COL16A1: variants seen among roughly 807,000 people sequenced by gnomAD.
COL16A1 encodes collagen type XVI alpha 1 chain, also known as collagen alpha-1(XVI) chain.
Under a neutral mutation model 266.3 loss-of-function variants are expected in COL16A1, and 189 were observed. That is an observed-to-expected ratio of 0.71 (90% CI 0.63 to 0.80). The LOEUF (loss-of-function observed/expected upper bound fraction) is 0.80, where lower values mean the gene tolerates loss of function less well. Among genes scored for constraint, COL16A1 ranks in the 30% least tolerant of loss-of-function variants. The probability of loss-of-function intolerance (pLI) is 0.00; values close to 1 mark genes in which losing one functional copy is unlikely to be tolerated. For missense variants in COL16A1, 1,928 were observed against 2,122.4 expected, an observed-to-expected ratio of 0.91 and a Z score of 1.80; for synonymous variants, 740 against 782.3, an observed-to-expected ratio of 0.95 and a Z score of 0.90.
chr1:31,670,537 A>G lies in COL16A1; in HGVS notation c.3195+65T>C. ...GGTGAAGGCACGACAGGAGGGAGAC[A>G]AGCAAAAGCCACAGAGACCTGGCTG... On this transcript the variant is annotated intron_variant, in intron 49 of 70. Coordinates refer to ENST00000373672, the MANE Select transcript of COL16A1 (RefSeq NM_001856.4). This position sits in a 1 kb window ranked among gnomAD's most constrained non-coding sequence, Gnocchi z 4.5. 1 of 1,327,444 alleles carries G rather than the reference A, an allele frequency of 7.5e-7. No homozygotes were observed. Among genetic ancestry groups the G allele is most frequent in the South Asian group, 2.2e-5 (1 of 44,448 alleles). 82.2% of individuals were successfully genotyped at this position (1,327,444 alleles called of 1,614,324 possible).
chr1:31,700,009 G>C (rs780263917), intron 3 of COL16A1, 32 bp downstream of exon 3: 8 of 1,613,362 alleles, frequency 5.0e-6, no homozygotes, highest in Non-Finnish European at 5.9e-6. Flanking sequence ...GAAGGTTGCA[G>C]GGACGGCGCG....
At position 31,697,373 on chromosome 1, in the gene COL16A1, C is replaced by A; in HGVS notation, c.658-73G>T. On this transcript the variant is annotated intron_variant, in intron 6 of 70. Coordinates refer to ENST00000373672, the MANE Select transcript of COL16A1 (RefSeq NM_001856.4). The surrounding 1 kb of genome is among the most constrained non-coding windows in gnomAD (Gnocchi z 4.2). ...CTGTGTCCTGGCCCCCCAGGAGGCA[C>A]AGAGATGTCTCTGCCCCAGGATGTG... The A allele has an allele frequency of 7.0e-7, 1 of 1,419,110 alleles. No homozygotes were observed. Among genetic ancestry groups the A allele is most frequent in the Non-Finnish European group, 9.6e-7 (1 of 1,037,406 alleles). The allele number at this position is 1,419,110 out of a possible 1,614,324, so 87.9% of individuals were successfully genotyped here.
chr1:31,658,646 G>T, intron 63 of COL16A1, 69 bp from the exon 64 acceptor site: 1 of 1,370,142 alleles, frequency 7.3e-7, no homozygotes, highest in Non-Finnish European at 1.0e-6. Flanking sequence ...TATAGCCAGA[G>T]ACAGACACCC....
chr1:31,667,691 G>T, intron 51 of COL16A1, 63 bp from the exon 52 acceptor site: 1 of 1,451,198 alleles, frequency 6.9e-7, no homozygotes, highest in Non-Finnish European at 9.5e-7. Flanking sequence ...CGGCACTAAT[G>T]CGAGGAGCGG....
intron 47 of COL16A1, among the ~76,000 whole-genome samples, chr1:31,671,863 C>T (rs868591170): frequency 2.0e-4 from 31 of 152,212 alleles, no homozygotes; most frequent in African/African-American, 7.0e-4. Flanking sequence ...GCAACTATTA[C>T]GTACCAGGCA....
chr1:31,697,971 G>C lies in COL16A1; in HGVS notation c.592C>G (p.Arg198Gly). The change falls in exon 6 of 71, where the codon CGA becomes GGA. Residue 198 changes from arginine to glycine, a missense_variant. Coordinates refer to ENST00000373672, the MANE Select transcript of COL16A1 (RefSeq NM_001856.4). The surrounding 1 kb of genome is among the most constrained non-coding windows in gnomAD (Gnocchi z 4.2). ...SASSQPLGPR[R>G]PMRPVGHVFL... is the part of the protein sequence containing the mutation. The stretch of plus-strand genomic sequence containing the variant: ...ACATGGCCCACAGGCCTCATGGGTC[G>C]TCGGGGCCCCAGAGGCTGGGAGGAG... 1 of 1,613,392 alleles carries C rather than the reference G, an allele frequency of 6.2e-7. No individual in the cohort carries two copies. The highest frequency in any genetic ancestry group is 1.1e-5 in the South Asian group (1 of 91,074).
rs1478717604 is a variant in COL16A1, at chr1:31,683,998, T to C, written c.2289A>G (p.Gln763=). ...EGVGRPGKPG[Q]PGLPGVQGPP... Reference sequence around the variant, plus strand: ...GCCCTTGAACTCCTGGTAGACCGGGTTGGCCCTAAAAGGCATAAGGTGGCC... The same window carrying C: ...GCCCTTGAACTCCTGGTAGACCGGGCTGGCCCTAAAAGGCATAAGGTGGCC... The change falls in exon 33 of 71, where the codon CAA becomes CAG. Residue 763 remains glutamine (Q), a synonymous_variant. Coordinates refer to ENST00000373672, the MANE Select transcript of COL16A1 (RefSeq NM_001856.4). 2 of 1,614,012 alleles carry C rather than the reference T, an allele frequency of 1.2e-6. No homozygotes were observed. Among genetic ancestry groups the C allele is most frequent in the African/African-American group, 2.7e-5 (2 of 74,928 alleles).
intron 20 of COL16A1, among the ~76,000 whole-genome samples, chr1:31,690,829 G>A (rs193074987): frequency 5.1e-4 from 77 of 152,270 alleles, no homozygotes; most frequent in Admixed American, 9.8e-4. Flanking sequence ...GGTGATCCGC[G>A]TGACCCCAGC....
At position 31,656,775 on chromosome 1, in the gene COL16A1, C is replaced by CATT. The variant is rs1641195887; in HGVS notation, c.4056+255_4056+257dup. 1 of 552,496 alleles carries CATT rather than the reference C, an allele frequency of 1.8e-6. No individual in the cohort carries two copies. The highest frequency in any genetic ancestry group is 3.0e-5 in the East Asian group (1 of 33,636). 34.2% of individuals were successfully genotyped at this position (552,496 alleles called of 1,614,324 possible). The stretch of plus-strand genomic sequence containing the variant: ...ATGTTTGTTTGGAATTTATTATTAT[C>CATT]ATTATTATTGTTGTTGTTGTTGTTT... On this transcript the variant is annotated intron_variant, in intron 65 of 70. Coordinates refer to ENST00000373672, the MANE Select transcript of COL16A1 (RefSeq NM_001856.4). This position sits in a 1 kb window ranked among gnomAD's most constrained non-coding sequence, Gnocchi z 4.2.
Position 31,686,273 on chromosome 1 carries a change from A to C in COL16A1, c.1810T>G (p.Phe604Val). 1.2e-6 allele frequency: 2 copies of C among 1,614,216 alleles called. No homozygotes were observed. Among genetic ancestry groups the C allele is most frequent in the Non-Finnish European group, 8.5e-7 (1 of 1,180,036 alleles). The change falls in exon 27 of 71, where the codon TTC becomes GTC. Residue 604 changes from phenylalanine (F) to valine (V), a missense_variant. Transcript: ENST00000373672. ...VPGLKGEKGN[F>V]GEAGPAGSPG... is the part of the protein sequence containing the mutation. ...CTGCCAGCTGGCCCTGCCTCCCCGA[A>C]GTTACCCTGAGAGAAAGCACAGAAA...
intron 14 of COL16A1, 39 bp from the exon 15 acceptor site, chr1:31,692,681 C>A: frequency 6.2e-7 from 1 of 1,613,902 alleles, no homozygotes; most frequent in South Asian, 1.1e-5. Flanking sequence ...GGCAGAGGGT[C>A]ACCTGATGGG....
Position 31,698,673 on chromosome 1 carries a change from C to T in COL16A1, c.267-67G>A. On this transcript the variant is annotated intron_variant, in intron 4 of 70. Coordinates refer to ENST00000373672, the MANE Select transcript of COL16A1 (RefSeq NM_001856.4). This position sits in a 1 kb window ranked among gnomAD's most constrained non-coding sequence, Gnocchi z 4.1. ...GACCCAAATGCTGCCCACCCTGAGC[C>T]CTCAGGACTGCTGAGCCTACCCAAG... 6.3e-7 allele frequency: 1 copy of T among 1,587,694 alleles called. No individual in the cohort carries two copies. Among genetic ancestry groups the T allele is most frequent in the South Asian group, 1.1e-5 (1 of 87,502 alleles).
chr1:31,673,499 G>A (rs549377767), intron 44 of COL16A1, among the ~76,000 whole-genome samples: 40 of 152,306 alleles, frequency 2.6e-4, no homozygotes, highest in Admixed American at 2.0e-3. Context: ...TTTGTGGCCA[G>A]TGTCGTGTCC....
In COL16A1 at chr1:31,688,955, G is replaced by A. The variant is rs1385445714; in HGVS notation, c.1673C>T (p.Ser558Phe). The A allele has an allele frequency of 1.2e-6, 2 of 1,614,182 alleles. No homozygotes were observed. The highest frequency in any genetic ancestry group is 1.3e-5 in the African/African-American group (1 of 75,058). Reference sequence around the variant, plus strand: ...CTGGGCCCCTACAACCGAGCTGCAGGACAAGCAGGGCTCCCCCTGGGGAAA... The same window carrying A: ...CTGGGCCCCTACAACCGAGCTGCAGAACAAGCAGGGCTCCCCCTGGGGAAA... ...IKGEKGEPCL[S>F]CSSVVGAQHL... is the part of the protein sequence containing the mutation. Residue 558 changes from serine to phenylalanine, a missense_variant, in exon 25 of 71, where the codon TCC becomes TTC. By Grantham distance (155) the Ser-to-Phe change is radical (BLOSUM62 -2). Around this residue, in one of 2 missense-constraint regions of COL16A1, gnomAD observed 1,552 missense variants for 1,637.2 expected, o/e 0.95. Transcript: ENST00000373672. This position sits in a 1 kb window ranked among gnomAD's most constrained non-coding sequence, Gnocchi z 4.9.
In COL16A1 at chr1:31,698,506, T is replaced by C. The variant is rs1644595047; in HGVS notation, c.367A>G (p.Thr123Ala). The C allele has an allele frequency of 1.2e-6, 2 of 1,614,106 alleles. No homozygotes were observed. The highest frequency in any genetic ancestry group is 1.7e-6 in the Non-Finnish European group (2 of 1,180,024). ...HQKTWYLFQV[T>A]DANGYPQISL... Reference sequence around the variant, plus strand: ...ACCTGTGGATACCCATTTGCATCGGTCACTTGAAACAGATACCACGTCTTC... The same window carrying C: ...ACCTGTGGATACCCATTTGCATCGGCCACTTGAAACAGATACCACGTCTTC... Residue 123 changes from threonine to alanine, a missense_variant, in exon 5 of 71, where the codon ACC (threonine) becomes GCC (alanine). Transcript: ENST00000373672. This position sits in a 1 kb window ranked among gnomAD's most constrained non-coding sequence, Gnocchi z 4.1.
intron 8 of COL16A1, among the ~76,000 whole-genome samples, 185 bp downstream of exon 8, chr1:31,696,778 C>G (rs555895655): frequency 6.6e-6 from 1 of 152,330 alleles, no homozygotes; most frequent in African/African-American, 2.4e-5. Flanking sequence ...CCAGTGGTGG[C>G]CAGTGGGCTG....
intron 36 of COL16A1, 43 bp from the exon 37 acceptor site, chr1:31,683,045 A>G (rs1396813883): frequency 3.1e-6 from 5 of 1,613,368 alleles, no homozygotes; most frequent in Non-Finnish European, 2.5e-6. Context: ...CAGAATTGGA[A>G]GCCAGCTACA....
chr1:31,662,321 C>A lies in COL16A1; in HGVS notation c.3681+13G>T. 6.2e-7 allele frequency: 1 copy of A among 1,609,974 alleles called. No homozygotes were observed. The highest frequency in any genetic ancestry group is 8.5e-7 in the Non-Finnish European group (1 of 1,178,352). ...GAGGAAGGGGTGCCCGCCCTCCCAGCCCATCATCTCACCCTCAAGCCAGGC... is the reference window on the plus strand; with the variant it reads ...GAGGAAGGGGTGCCCGCCCTCCCAGACCATCATCTCACCCTCAAGCCAGGC... On this transcript the variant is annotated intron_variant, in intron 58 of 70. Transcript: ENST00000373672.
At chr1:31,683,436 C>A in intron 34 of COL16A1, 67 bp from the exon 35 acceptor site, 2 of 1,611,494 alleles carry the variant, frequency 1.2e-6, no homozygotes, top group South Asian at 1.1e-5. Context: ...GGCCCTGCCG[C>A]ACCGGCAGAC....
Sources: allele counts gnomAD v4.1 joint callset (sites outside exome capture counted in the v4.1 genomes callset), GRCh38; gene constraint gnomAD v4.1.1; regional missense constraint gnomAD v4.1.1; non-coding constraint Gnocchi (gnomAD v3.1); transcripts MANE v1.5; gene names NCBI Gene and HGNC (gene_info 2026-07-23, HGNC 2026-07-21).